The following PDZRN3 variants were observed in gnomAD, a reference collection of about 807,000 sequenced individuals.
PDZRN3 encodes the protein PDZ domain containing ring finger 3.
Under a neutral mutation model 85.7 loss-of-function variants are expected in PDZRN3, and 38 were observed. The observed-to-expected ratio is 0.44, with a 90% CI of 0.34 to 0.58. The LOEUF is 0.58. Among genes scored for constraint, PDZRN3 ranks in the 20% least tolerant of loss-of-function variants. The pLI is 0.01. For synonymous variants in PDZRN3, 759 were observed against 638.0 expected (o/e 1.19, Z -2.86); for missense variants, 1,629 against 1,506.4 (o/e 1.08, Z -1.35).
chr3:73,571,238 T>C (rs1427262918), intron 3 of PDZRN3, among the ~76,000 whole-genome samples: 1 of 152,196 alleles, frequency 6.6e-6, no homozygotes, highest in Non-Finnish European at 1.5e-5. Flanking sequence ...TTCCTATTTT[T>C]AAAAGGTCTT....
intron 3 of PDZRN3, among the ~76,000 whole-genome samples, chr3:73,587,847 C>T (rs370126667): frequency 6.6e-6 from 1 of 152,134 alleles, no homozygotes. Context: ...ATCTCTAACC[C>T]AAGTTATCCA....
intron 2 of PDZRN3, among the ~76,000 whole-genome samples, chr3:73,605,619 C>A (rs1454396165): frequency 6.6e-6 from 1 of 152,208 alleles, no homozygotes; most frequent in Non-Finnish European, 1.5e-5. Flanking sequence ...GAAACACAGA[C>A]ATCATTTGTA....
intron 1 of PDZRN3, among the ~76,000 whole-genome samples, chr3:73,614,428 T>A (rs990309091): frequency 1.3e-5 from 2 of 152,216 alleles, no homozygotes; most frequent in Non-Finnish European, 2.9e-5. Flanking sequence ...ACTGTCAATG[T>A]GGACTCTTTT....
At chr3:73,389,910 C>T (rs775498918) in intron 6 of PDZRN3, 32 bp from the exon 7 acceptor site, 28 of 1,532,472 alleles carry the variant, frequency 1.8e-5, no homozygotes, top group East Asian at 4.5e-5. Context: ...TCAGCGCAAA[C>T]GCAGACATGC....
At chr3:73,404,620 C>T (rs567303126) in intron 3 of PDZRN3, 29 of 488,050 alleles carry the variant, frequency 5.9e-5, no homozygotes, top group Admixed American at 1.1e-4. Context: ...AATCTCACAG[C>T]GGGAAGGCTT....
At chr3:73,447,593 C>T (rs1318855798) in intron 3 of PDZRN3, among the ~76,000 whole-genome samples, 1 of 152,184 alleles carries the variant, frequency 6.6e-6, no homozygotes, top group Non-Finnish European at 1.5e-5. Context: ...ATAATGACCT[C>T]CCAATTGCCG....
chr3:73,444,590 T>C (rs781585542), intron 3 of PDZRN3, among the ~76,000 whole-genome samples: 1 of 152,052 alleles, frequency 6.6e-6, no homozygotes, highest in Non-Finnish European at 1.5e-5. Context: ...TACAGAAAAA[T>C]TGTAAAGCCT....
At chr3:73,518,963 T>C (rs2106723541) in intron 3 of PDZRN3, among the ~76,000 whole-genome samples, 1 of 152,318 alleles carries the variant, frequency 6.6e-6, no homozygotes, top group South Asian at 2.1e-4. Flanking sequence ...ACAAGTGACG[T>C]ACTTAAGATG....
At chr3:73,452,509 GA>G (rs1395918898) in intron 3 of PDZRN3, among the ~76,000 whole-genome samples, 1 of 152,186 alleles carries the variant, frequency 6.6e-6, no homozygotes, top group Non-Finnish European at 1.5e-5. Context: ...ACTGAAGGCA[GA>G]AACGCATGCT....
At chr3:73,508,197 T>TG (rs1704102718) in intron 3 of PDZRN3, among the ~76,000 whole-genome samples, 2 of 152,202 alleles carry the variant, frequency 1.3e-5, no homozygotes, top group Non-Finnish European at 2.9e-5. Context: ...CGGCACATGC[T>TG]GGACACCCTT....
At chr3:73,452,722 T>TA (rs1235630210) in intron 3 of PDZRN3, among the ~76,000 whole-genome samples, 1 of 152,172 alleles carries the variant, frequency 6.6e-6, no homozygotes, top group African/African-American at 2.4e-5. Flanking sequence ...AGTTGTGAGT[T>TA]ACTCTGATGC....
At chr3:73,584,075 TTCTC>T (rs71126881) in intron 3 of PDZRN3, among the ~76,000 whole-genome samples, 1 of 151,584 alleles carries the variant, frequency 6.6e-6, no homozygotes, top group African/African-American at 2.4e-5. Flanking sequence ...GGCAGTTCTC[TTCTC>T]TCTCTGACAA....
At chr3:73,516,916 G>C (rs1704266471) in intron 3 of PDZRN3, among the ~76,000 whole-genome samples, 1 of 152,178 alleles carries the variant, frequency 6.6e-6, no homozygotes, top group Non-Finnish European at 1.5e-5. Flanking sequence ...TCGGGTCAAA[G>C]CAAACACTAC....
At chr3:73,476,310 A>G (rs1703447633) in intron 3 of PDZRN3, among the ~76,000 whole-genome samples, 1 of 152,216 alleles carries the variant, frequency 6.6e-6, no homozygotes, top group African/African-American at 2.4e-5. Context: ...TCACCTGGCC[A>G]GAGCAGGGAA....
At chr3:73,439,728 A>ATATTC (rs1702596808) in intron 3 of PDZRN3, among the ~76,000 whole-genome samples, 1 of 150,886 alleles carries the variant, frequency 6.6e-6, no homozygotes. Context: ...TTAGGCCCTC[A>ATATTC]TATTTTATTT....
At chr3:73,475,111 C>G (rs1010765110) in intron 3 of PDZRN3, among the ~76,000 whole-genome samples, 4 of 152,118 alleles carry the variant, frequency 2.6e-5, no homozygotes, top group Admixed American at 1.3e-4. Context: ...CAGCTCTACA[C>G]AGAAGAAAGG....
At chr3:73,481,218 T>C (rs1414685087) in intron 3 of PDZRN3, among the ~76,000 whole-genome samples, 1 of 152,102 alleles carries the variant, frequency 6.6e-6, no homozygotes, top group Non-Finnish European at 1.5e-5. Context: ...CAGCAGAGGG[T>C]AAATGGGTCA....
intron 3 of PDZRN3, among the ~76,000 whole-genome samples, chr3:73,493,401 G>A (rs1166572152): frequency 6.6e-6 from 1 of 152,164 alleles, no homozygotes; most frequent in Non-Finnish European, 1.5e-5. Context: ...ACCATGAACT[G>A]TAACATTAAG....
chr3:73,525,454 G>C (rs1185816644), intron 3 of PDZRN3, among the ~76,000 whole-genome samples: 1 of 152,146 alleles, frequency 6.6e-6, no homozygotes, highest in Non-Finnish European at 1.5e-5. Flanking sequence ...GAAGGGAGAG[G>C]ATTTGTGAAA....
Sources: allele counts gnomAD v4.1 joint callset (sites outside exome capture counted in the v4.1 genomes callset), GRCh38; gene constraint gnomAD v4.1.1; transcripts MANE v1.5; gene names NCBI Gene and HGNC (gene_info 2026-07-23, HGNC 2026-07-21).